The following ADGRA2 variants were observed in gnomAD, a reference collection of about 807,000 sequenced individuals.
The protein encoded by ADGRA2 is G-protein coupled receptor 124.
A neutral mutation model predicts 98.7 loss-of-function variants in ADGRA2; 61 were observed. The observed-to-expected ratio is 0.62, with a 90% CI of 0.50 to 0.76. The LOEUF (loss-of-function observed/expected upper bound fraction) is 0.76. ADGRA2 is among the 30% of genes least tolerant of loss of function. The pLI is 0.00. For missense variants in ADGRA2, 1,712 were observed against 1,860.0 expected (o/e 0.92, Z 1.46); for synonymous variants, 858 against 831.5 (o/e 1.03, Z -0.55).
intron 2 of ADGRA2, among the ~76,000 whole-genome samples, chr8:37,825,794 C>G (rs1296981361): frequency 6.6e-6 from 1 of 152,212 alleles, no homozygotes; most frequent in African/African-American, 2.4e-5. Flanking sequence ...GACCAGGCAG[C>G]ATCGGCTTCC....
At chr8:37,819,118 G>C (rs1408436598) in intron 2 of ADGRA2, among the ~76,000 whole-genome samples, 1 of 152,140 alleles carries the variant, frequency 6.6e-6, no homozygotes, top group African/African-American at 2.4e-5. Context: ...AGGGTAGATG[G>C]GGTGATTTGG....
Position 37,830,677 on chromosome 8 carries a change from C to A in ADGRA2, c.719-33C>A. On this transcript the variant is annotated intron_variant, in intron 6 of 18. Coordinates refer to ENST00000412232, the MANE Select transcript of ADGRA2 (RefSeq NM_032777.10). The surrounding 1 kb of genome is among the most constrained non-coding windows in gnomAD (Gnocchi z 4.8). ...ACGTGCAGCCTCACATGCGTGTGCA[C>A]TCGGGCCTCACGCCTGGTGTCTCCT... 1 of 1,441,644 alleles carries A rather than the reference C, an allele frequency of 6.9e-7. No homozygotes were observed. Among genetic ancestry groups the A allele is most frequent in the Non-Finnish European group, 9.5e-7 (1 of 1,052,946 alleles). 89.3% of individuals were successfully genotyped at this position (1,441,644 alleles called of 1,614,324 possible). A position where few individuals can be genotyped will look rare whatever the true frequency, so the allele number is the denominator to read the frequency against.
At chr8:37,839,817 C>T (rs1438894451) in intron 16 of ADGRA2, among the ~76,000 whole-genome samples, 195 bp downstream of exon 16, 2 of 152,026 alleles carry the variant, frequency 1.3e-5, no homozygotes, top group Non-Finnish European at 2.9e-5. Context: ...AGAACCAGAT[C>T]AGAGAGAATG....
In ADGRA2 at chr8:37,828,178, G is replaced by A. The variant is rs533098914; in HGVS notation, c.339-710G>A. 3.9e-5 allele frequency among the ~76,000 whole-genome samples: 6 copies of A among 152,010 alleles called. 1 individual carries two copies. The highest frequency in any genetic ancestry group is 1.9e-4 in the East Asian group (1 of 5,150). On this transcript the variant is annotated intron_variant, in intron 2 of 18. Transcript: ENST00000412232. The stretch of plus-strand genomic sequence containing the variant: ...AACAAAACAACTACCCCTCCCATGC[G>A]TCCCCTCCCCTGCCCACAAAGGCCA...
intron 1 of ADGRA2, among the ~76,000 whole-genome samples, chr8:37,813,243 T>A (rs530417905): frequency 2.0e-4 from 31 of 152,134 alleles, no homozygotes; most frequent in South Asian, 1.0e-3. Context: ...AAATTTTTTT[T>A]AATTTCTTTT....
At chr8:37,810,953 A>G (rs540486309) in intron 1 of ADGRA2, among the ~76,000 whole-genome samples, 1 of 105,532 alleles carries the variant, frequency 9.5e-6, no homozygotes, top group South Asian at 2.8e-4. Context: ...CGTCTCTACT[A>G]AAAAAAAAAT....
At chr8:37,827,727 C>A (rs1805320499) in intron 2 of ADGRA2, among the ~76,000 whole-genome samples, 1 of 152,236 alleles carries the variant, frequency 6.6e-6, no homozygotes, top group Non-Finnish European at 1.5e-5. Flanking sequence ...ACAGGACTTA[C>A]ACCCCTGCCC....
At chr8:37,798,097 A>G (rs1039382581) in intron 1 of ADGRA2, among the ~76,000 whole-genome samples, 7 of 152,088 alleles carry the variant, frequency 4.6e-5, no homozygotes, top group Admixed American at 2.0e-4. Context: ...GGCTGGGCTC[A>G]GAAAAGTCGG....
intron 1 of ADGRA2, among the ~76,000 whole-genome samples, chr8:37,798,833 G>GT (rs1804418091): frequency 6.6e-6 from 1 of 152,218 alleles, no homozygotes; most frequent in East Asian, 1.9e-4. Flanking sequence ...GCCCGGGTGT[G>GT]TGTGTGCATG....
chr8:37,808,341 G>C (rs564030977), intron 1 of ADGRA2, among the ~76,000 whole-genome samples: 43 of 152,300 alleles, frequency 2.8e-4, no homozygotes, highest in African/African-American at 1.0e-3. Flanking sequence ...TACCTGGCTG[G>C]CCCCCGTGAG....
intron 14 of ADGRA2, 137 bp downstream of exon 14, chr8:37,838,076 G>T (rs992607001): frequency 2.7e-6 from 2 of 744,224 alleles, no homozygotes; most frequent in African/African-American, 3.6e-5. Context: ...CCCCATGAGT[G>T]GTGGGATGTG....
At chr8:37,816,320 C>T (rs549261938) in intron 2 of ADGRA2, among the ~76,000 whole-genome samples, 16 of 151,252 alleles carry the variant, frequency 1.1e-4, no homozygotes, top group Admixed American at 7.9e-4. Context: ...AGGCCGGGCG[C>T]GGTGGCTCAC....
In ADGRA2 at chr8:37,835,302, C is replaced by T. The variant is rs780003214; in HGVS notation, c.1737C>T (p.Asn579=). The change falls in exon 12 of 19, where the codon AAC becomes AAT. Residue 579 remains asparagine, a synonymous_variant. Coordinates refer to ENST00000412232, the MANE Select transcript of ADGRA2 (RefSeq NM_032777.10). ...PGTRPGSPGQ[N]PPPEPEPPAD... is the part of the protein sequence containing the mutation. ...CACGGCCAGGAAGCCCTGGCCAGAA[C>T]CCCCCACCTGAGCCCGAGCCCCCAG... is the stretch of plus-strand genomic sequence containing the variant. The T allele has an allele frequency of 7.4e-6, 12 of 1,613,334 alleles. No homozygotes were observed. The South Asian group carries it at 1.2e-4, about 16-fold the overall frequency.
At position 37,841,308 on chromosome 8, in the gene ADGRA2, T is replaced by A; in HGVS notation, c.2970T>A (p.Gly990=). 1 of 1,608,876 alleles carries A rather than the reference T, an allele frequency of 6.2e-7. No homozygotes were observed. The highest frequency in any genetic ancestry group is 8.5e-7 in the Non-Finnish European group (1 of 1,177,616). ...RGSGPLLSDS[G]SLLATGSARV... is the part of the protein sequence containing the mutation. ...GCGGCCCCCTCCTGAGTGACTCAGGTTCCCTTCTTGCTACTGGGAGCGCGC... is the reference window on the plus strand; with the variant it reads ...GCGGCCCCCTCCTGAGTGACTCAGGATCCCTTCTTGCTACTGGGAGCGCGC... Residue 990 remains glycine (G), a synonymous_variant, in exon 19 of 19, where the codon GGT becomes GGA. Transcript: ENST00000412232. This position sits in a 1 kb window ranked among gnomAD's most constrained non-coding sequence, Gnocchi z 5.0.
chr8:37,839,135 C>G, intron 15 of ADGRA2, 52 bp downstream of exon 15: 1 of 1,602,664 alleles, frequency 6.2e-7, no homozygotes, highest in East Asian at 2.2e-5. Context: ...GGAAGGGGCC[C>G]CTACCCTGTC....
At chr8:37,840,965 A>G (rs995770998) in intron 18 of ADGRA2, 116 bp downstream of exon 18, 61 of 1,204,632 alleles carry the variant, frequency 5.1e-5, no homozygotes, top group African/African-American at 1.9e-4. Context: ...AAGCCCATGC[A>G]TGCTGACCAA....
At chr8:37,821,734 C>G (rs752066339) in intron 2 of ADGRA2, among the ~76,000 whole-genome samples, 1 of 152,192 alleles carries the variant, frequency 6.6e-6, no homozygotes, top group Non-Finnish European at 1.5e-5. Context: ...AAGGGGAGCC[C>G]GGTCAGCCCC....
chr8:37,829,784 GC>G, intron 5 of ADGRA2, 66 bp from the exon 6 acceptor site: 5 of 1,520,910 alleles, frequency 3.3e-6, no homozygotes, highest in East Asian at 2.3e-5. Flanking sequence ...CCTCCCTGGG[GC>G]CCCAGGCCAC....
Position 37,842,531 on chromosome 8 carries a change from C to A in ADGRA2, c.*176C>A. 3.8e-6 allele frequency: 4 copies of A among 1,052,990 alleles called. No homozygotes were observed. The highest frequency in any genetic ancestry group is 5.1e-6 in the Non-Finnish European group (4 of 788,084). The allele number at this position is 1,052,990 out of a possible 1,614,324, so 65.2% of individuals were successfully genotyped here. On this transcript the variant is annotated 3_prime_UTR_variant, in exon 19 of 19. Coordinates refer to ENST00000412232, the MANE Select transcript of ADGRA2 (RefSeq NM_032777.10). ...AGAGGGCATCCCTCTGGGGTAGCGA[C>A]AGACAATCCCAGAAACACGCATAAT...
Sources: allele counts gnomAD v4.1 joint callset (sites outside exome capture counted in the v4.1 genomes callset), GRCh38; gene constraint gnomAD v4.1.1; non-coding constraint Gnocchi (gnomAD v3.1); transcripts MANE v1.5; gene names NCBI Gene and HGNC (gene_info 2026-07-23, HGNC 2026-07-21).